The following PCDHGB3 variants were observed in gnomAD, a reference collection of about 807,000 sequenced individuals.
PCDHGB3 encodes the protein protocadherin gamma-B3.
In PCDHGB3, 40 loss-of-function variants were observed where a neutral mutation model predicts 59.2. That is an observed-to-expected ratio of 0.68 (90% confidence interval 0.52 to 0.88). The LOEUF is 0.88. PCDHGB3 is among the 40% of genes least tolerant of loss of function. The probability of loss-of-function intolerance (pLI) is 0.00; values close to 1 mark genes in which losing one functional copy is unlikely to be tolerated. For missense variants in PCDHGB3, 1,309 were observed against 1,187.9 expected (o/e 1.10, Z -1.50); for synonymous variants, 581 against 503.6 (o/e 1.15, Z -2.06).
intron 1 of PCDHGB3, chr5:141,478,484 C>A (rs376021397): frequency 1.2e-5 from 20 of 1,613,340 alleles, no homozygotes; most frequent in Non-Finnish European, 1.4e-5. Context: ...GAACACGCTG[C>A]GGAGCTGTGA....
chr5:141,473,219 G>A (rs1198994780), intron 1 of PCDHGB3, among the ~76,000 whole-genome samples: 2 of 151,864 alleles, frequency 1.3e-5, no homozygotes, highest in Non-Finnish European at 2.9e-5. Flanking sequence ...TTACTTCCAG[G>A]GAGATTGGAT....
Position 141,510,980 on chromosome 5 carries a change from G to C in PCDHGB3, c.2597G>C (p.Gly866Ala), listed in dbSNP as rs1466168256. 12 of 1,614,170 alleles carry C rather than the reference G, an allele frequency of 7.4e-6. No individual in the cohort carries two copies. The highest frequency in any genetic ancestry group is 9.3e-6 in the Non-Finnish European group (11 of 1,180,014). ...AADGSSTLGG[G>A]AGTMGLSARY... ...GATGGGAGCTCCACCCTGGGAGGGG[G>C]TGCCGGCACCATGGGATTGAGCGCC... is the stretch of plus-strand genomic sequence containing the variant. Residue 866 changes from glycine (G) to alanine (A), a missense_variant, in exon 4 of 4, where the codon GGT becomes GCT. By Grantham distance (60) the Gly-to-Ala change is moderately conservative (BLOSUM62 0). Transcript: ENST00000576222.
rs771106873 is a variant in PCDHGB3, at chr5:141,426,860, A to C, written c.2415+54051A>C. 5 of 456,702 alleles carry C rather than the reference A, an allele frequency of 1.1e-5. No individual in the cohort carries two copies. In the Admixed American group the frequency reaches 1.2e-4, roughly 11 times the overall value. The allele number at this position is 456,702 out of a possible 1,614,324, so 28.3% of individuals were successfully genotyped here. A position where few individuals can be genotyped will look rare whatever the true frequency, so the allele number is the denominator to read the frequency against. On this transcript the variant is annotated intron_variant, in intron 1 of 3. Transcript: ENST00000576222. ...CTAAAGGCAAGAACGCTCCAGAATT[A>C]GTGCTGGAGAAGCCCCTGGGCCAGG...
chr5:141,399,093 A>C, intron 1 of PCDHGB3: 1 of 1,613,820 alleles, frequency 6.2e-7, no homozygotes. Flanking sequence ...ATGGTGGTGG[A>C]CTGGTTGCAC....
intron 3 of PCDHGB3, chr5:141,508,415 A>T (rs2099868684): frequency 6.6e-6 from 1 of 152,158 alleles, no homozygotes; most frequent in Non-Finnish European, 1.5e-5. Context: ...CCACGCAGAG[A>T]CTTGACCAAG....
intron 1 of PCDHGB3, chr5:141,422,319 TAC>T: frequency 6.5e-7 from 1 of 1,548,220 alleles, no homozygotes; most frequent in Admixed American, 2.1e-5. Flanking sequence ...CTCCTCCAGG[TAC>T]AGTGATTGCT....
In PCDHGB3 at chr5:141,431,538, AGCTGCTTGTAGTCAAC is replaced by A; in HGVS notation, c.2415+58733_2415+58748del. 2 of 1,614,114 alleles carry A rather than the reference AGCTGCTTGTAGTCAAC, an allele frequency of 1.2e-6. No homozygotes were observed. Among genetic ancestry groups the A allele is most frequent in the Non-Finnish European group, 1.7e-6 (2 of 1,180,024 alleles). ...CCGGAGAATCTGGCCTTGGGCACGC[AGCTGCTTGTAGTCAAC>A]GCTACCGACCCTGACGAAGGAGTCA... On this transcript the variant is annotated intron_variant, in intron 1 of 3. Coordinates refer to ENST00000576222, the MANE Select transcript of PCDHGB3 (RefSeq NM_018924.5). This position sits in a 1 kb window ranked among gnomAD's most constrained non-coding sequence, Gnocchi z 4.8.
chr5:141,433,358 C>CCCATCTAT (rs1554125967), intron 1 of PCDHGB3: 6 of 503,934 alleles, frequency 1.2e-5, no homozygotes, highest in Admixed American at 3.6e-5. Context: ...CTACTGTCTG[C>CCCATCTAT]CTATCTATCT....
chr5:141,384,596 C>G, intron 1 of PCDHGB3: 1 of 1,614,240 alleles, frequency 6.2e-7, no homozygotes, highest in Non-Finnish European at 8.5e-7. Flanking sequence ...CTGTACCCGG[C>G]CCTCCCCACA....
At position 141,511,648 on chromosome 5, in the gene PCDHGB3, G is replaced by T. The variant is rs553080689; in HGVS notation, c.*475G>T. The T allele has an allele frequency of 1.4e-5, 3 of 214,700 alleles. No homozygotes were observed. Among genetic ancestry groups the T allele is most frequent in the East Asian group, 2.1e-4 (2 of 9,414 alleles). The allele number at this position is 214,700 out of a possible 1,614,324, so 13.3% of individuals were successfully genotyped here. A position where few individuals can be genotyped will look rare whatever the true frequency, so the allele number is the denominator to read the frequency against. On this transcript the variant is annotated 3_prime_UTR_variant, in exon 4 of 4. Coordinates refer to ENST00000576222, the MANE Select transcript of PCDHGB3 (RefSeq NM_018924.5). ...AGTTGGAAGGGCATCATGACCTCTTGGCCTCTCCTTTGATTCTCAATCTTC... is the reference window on the plus strand; with the variant it reads ...AGTTGGAAGGGCATCATGACCTCTTTGCCTCTCCTTTGATTCTCAATCTTC...
chr5:141,383,391 G>C, intron 1 of PCDHGB3: 2 of 1,613,978 alleles, frequency 1.2e-6, no homozygotes, highest in Non-Finnish European at 1.7e-6. Flanking sequence ...ATGTGGGCAC[G>C]AACTCCCTCC....
chr5:141,382,882 A>G, intron 1 of PCDHGB3: 1 of 1,528,134 alleles, frequency 6.5e-7, no homozygotes, highest in Non-Finnish European at 8.8e-7. Context: ...GCGCCTAAGC[A>G]AGAGAAGCAG....
intron 1 of PCDHGB3, among the ~76,000 whole-genome samples, chr5:141,420,742 A>T (rs967908996): frequency 6.6e-6 from 1 of 152,254 alleles, no homozygotes; most frequent in African/African-American, 2.4e-5. Flanking sequence ...AATCAATTGG[A>T]ACCAACTACA....
Position 141,490,683 on chromosome 5 carries a change from A to C in PCDHGB3, c.2416-4124A>C, listed in dbSNP as rs766019662. 6 of 1,614,088 alleles carry C rather than the reference A, an allele frequency of 3.7e-6. No homozygotes were observed. The highest frequency in any genetic ancestry group is 5.1e-6 in the Non-Finnish European group (6 of 1,180,034). On this transcript the variant is annotated intron_variant, in intron 1 of 3. Transcript: ENST00000576222. The surrounding 1 kb of genome is among the most constrained non-coding windows in gnomAD (Gnocchi z 5.4). ...TTTGCACTGTGGCTGCCTCAGATCCAGACACTGGGGATAATGCCCGCCTCA... is the reference window on the plus strand; with the variant it reads ...TTTGCACTGTGGCTGCCTCAGATCCCGACACTGGGGATAATGCCCGCCTCA...
At chr5:141,395,147 G>A in intron 1 of PCDHGB3, 1 of 1,614,210 alleles carries the variant, frequency 6.2e-7, no homozygotes, top group Non-Finnish European at 8.5e-7. Flanking sequence ...ACGCAGACAT[G>A]CTCATCAGTC....
At chr5:141,494,680 C>A in intron 1 of PCDHGB3, 127 bp from the exon 2 acceptor site, 1 of 1,560,094 alleles carries the variant, frequency 6.4e-7, no homozygotes, top group Non-Finnish European at 8.7e-7. Flanking sequence ...CCACCCCTGC[C>A]CCCTCTTAGT....
At chr5:141,398,632 A>G (rs1589336934) in intron 1 of PCDHGB3, 7 of 1,613,946 alleles carry the variant, frequency 4.3e-6, no homozygotes, top group Non-Finnish European at 5.1e-6. Context: ...CTCTCTGCAG[A>G]AGTATAAACT....
chr5:141,511,055 A>ATG lies in PCDHGB3; in HGVS notation c.2674_2675dup (p.Tyr893SerfsTer10). 1 of 1,614,218 alleles carries ATG rather than the reference A, an allele frequency of 6.2e-7. No individual in the cohort carries two copies. The highest frequency in any genetic ancestry group is 8.5e-7 in the Non-Finnish European group (1 of 1,180,026). On this transcript the variant is annotated frameshift_variant, in exon 4 of 4. Coordinates refer to ENST00000576222, the MANE Select transcript of PCDHGB3 (RefSeq NM_018924.5). LOFTEE classifies it high-confidence loss of function. Reference sequence around the variant, plus strand: ...CAGCACGTGCCCGACTACCGCCAGAATGTCTACATCCCAGGCAGCAATGCC... The same window carrying ATG: ...CAGCACGTGCCCGACTACCGCCAGAATGTGTCTACATCCCAGGCAGCAATGCC...
Position 141,476,790 on chromosome 5 carries a change from C to T in PCDHGB3, c.2416-18017C>T. ...TTGGACGGAGGGACCCCAGCTCTCT[C>T]CGCCAGCCTGCCTATTCACATCAAG... On this transcript the variant is annotated intron_variant, in intron 1 of 3. Coordinates refer to ENST00000576222, the MANE Select transcript of PCDHGB3 (RefSeq NM_018924.5). This position sits in a 1 kb window ranked among gnomAD's most constrained non-coding sequence, Gnocchi z 7.6. 1 of 1,613,606 alleles carries T rather than the reference C, an allele frequency of 6.2e-7. No homozygotes were observed. Among genetic ancestry groups the T allele is most frequent in the South Asian group, 1.1e-5 (1 of 91,084 alleles).
Sources: gnomAD v4.1 joint callset for allele counts (sites outside exome capture counted in the v4.1 genomes callset) on GRCh38, gnomAD v4.1.1 for gene constraint, Gnocchi (gnomAD v3.1) non-coding constraint, MANE v1.5 for transcripts, NCBI Gene and HGNC (gene_info 2026-07-23, HGNC 2026-07-21) for gene names.